CARS2: variants seen among roughly 807,000 people sequenced by gnomAD.
The protein encoded by CARS2 is probable cysteine--tRNA ligase, mitochondrial.
CARS2 carries 52 observed loss-of-function variants against 68.8 expected under a neutral mutation model. The observed-to-expected ratio is 0.76, with a 90% CI of 0.61 to 0.95. CARS2 has a LOEUF of 0.95. CARS2 is among the 40% of genes least tolerant of loss of function. The pLI is 0.00. For synonymous variants in CARS2, 314 were observed against 303.6 expected, an observed-to-expected ratio of 1.03 and a Z score of -0.36; for missense variants, 780 against 754.2, an observed-to-expected ratio of 1.03 and a Z score of -0.40.
intron 6 of CARS2, among the ~76,000 whole-genome samples, chr13:110,678,352 C>T (rs1262576105): frequency 1.3e-5 from 2 of 152,128 alleles, no homozygotes; most frequent in Non-Finnish European, 2.9e-5. Context: ...CTGCCAGTGG[C>T]GCATGCTCAC....
rs61970549 is a variant in CARS2, at chr13:110,670,976, C to T, written c.786-3503G>A. On this transcript the variant is annotated intron_variant, in intron 7 of 14. Transcript: ENST00000257347. The surrounding 1 kb of genome is among the most constrained non-coding windows in gnomAD (Gnocchi z 4.1). ...AGAAAGGGTATCAGTGATTGAAGAT[C>T]AAATGAATGAAATGAAGCAGGAAGA... Among the ~76,000 whole-genome samples, 13,993 of 151,874 alleles carry T rather than the reference C, an allele frequency of 0.092. 834 individuals are homozygous for T. Among genetic ancestry groups the T allele is most frequent in the Middle Eastern group, 0.14 (42 of 294 alleles).
chr13:110,679,445 G>A (rs998122824), intron 6 of CARS2, among the ~76,000 whole-genome samples: 7 of 151,550 alleles, frequency 4.6e-5, no homozygotes, highest in East Asian at 3.9e-4. Context: ...CAGGAGAATC[G>A]CTTGAGCTCG....
At chr13:110,694,704 T>G (rs566539610) in intron 3 of CARS2, among the ~76,000 whole-genome samples, 2 of 152,268 alleles carry the variant, frequency 1.3e-5, no homozygotes, top group Non-Finnish European at 2.9e-5. Flanking sequence ...TACCCCAGAT[T>G]TGTTTAAAAC....
chr13:110,653,100 A>G lies in CARS2; in HGVS notation c.988-2000T>C, dbSNP rs1334341456. ...TATCATCAACGGCCTTTGGGATCCT[A>G]TGTATTTTATTTTACGTATTTAAAG... On this transcript the variant is annotated intron_variant, in intron 9 of 14. Transcript: ENST00000257347. This position sits in a 1 kb window ranked among gnomAD's most constrained non-coding sequence, Gnocchi z 5.6. Among the ~76,000 whole-genome samples the G allele has an allele frequency of 5.4e-5, 8 of 147,570 alleles. No individual in the cohort carries two copies. The highest frequency in any genetic ancestry group is 1.5e-4 in the African/African-American group (6 of 39,658).
chr13:110,703,196 G>A (rs1235092763), intron 2 of CARS2, among the ~76,000 whole-genome samples: 3 of 152,220 alleles, frequency 2.0e-5, no homozygotes, highest in African/African-American at 4.8e-5. Context: ...CCAGTGAACT[G>A]AGTGCTACCC....
chr13:110,655,443 C>T (rs1052430387), intron 9 of CARS2, among the ~76,000 whole-genome samples: 2 of 152,182 alleles, frequency 1.3e-5, no homozygotes, highest in Non-Finnish European at 2.9e-5. Context: ...CACAGCCATT[C>T]GAGAGAATGA....
chr13:110,666,744 C>G (rs1305445462), intron 8 of CARS2: 1 of 985,342 alleles, frequency 1.0e-6, no homozygotes, highest in African/African-American at 1.7e-5. Context: ...CTACCAAACA[C>G]TCTTTATCTT....
intron 6 of CARS2, among the ~76,000 whole-genome samples, chr13:110,679,589 A>AAGAGAG (rs1280508774): frequency 3.6e-5 from 3 of 83,884 alleles, no homozygotes; most frequent in African/African-American, 1.4e-4. Context: ...GAAAGAAAGA[A>AAGAGAG]AGAAAGAAAG....
chr13:110,653,997 CA>C lies in CARS2; in HGVS notation c.988-2898del, dbSNP rs1418689612. Among the ~76,000 whole-genome samples, 1 of 152,204 alleles carries C rather than the reference CA, an allele frequency of 6.6e-6. No homozygotes were observed. Among genetic ancestry groups the C allele is most frequent in the East Asian group, 1.9e-4 (1 of 5,190 alleles). On this transcript the variant is annotated intron_variant, in intron 9 of 14. Transcript: ENST00000257347. The surrounding 1 kb of genome is among the most constrained non-coding windows in gnomAD (Gnocchi z 5.6). The stretch of plus-strand genomic sequence containing the variant: ...AGTGTAAGCTCGTGCTGGAACTCTC[CA>C]GGAGGTAAGCAATCTCCCAGAGCCC...
At chr13:110,703,731 T>G (rs537223466) in intron 2 of CARS2, among the ~76,000 whole-genome samples, 1 of 152,304 alleles carries the variant, frequency 6.6e-6, no homozygotes, top group East Asian at 1.9e-4. Flanking sequence ...ACCTCTGAAA[T>G]GTAATCAAGG....
chr13:110,711,620 T>C (rs1224582961), intron 1 of CARS2, among the ~76,000 whole-genome samples: 1 of 152,248 alleles, frequency 6.6e-6, no homozygotes, highest in Non-Finnish European at 1.5e-5. Flanking sequence ...GCGTGATCTG[T>C]AAGTAAAATA....
rs979749379 is a variant in CARS2, at chr13:110,641,424, C to G, written c.*113G>C. The G allele has an allele frequency of 2.4e-6, 2 of 849,192 alleles. No individual in the cohort carries two copies. Among genetic ancestry groups the G allele is most frequent in the Non-Finnish European group, 4.0e-6 (2 of 494,966 alleles). 52.6% of individuals were successfully genotyped at this position (849,192 alleles called of 1,614,324 possible). A position where few individuals can be genotyped will look rare whatever the true frequency, so the allele number is the denominator to read the frequency against. On this transcript the variant is annotated 3_prime_UTR_variant, in exon 15 of 15. Coordinates refer to ENST00000257347, the MANE Select transcript of CARS2 (RefSeq NM_024537.4). ...GACGCCAGTGGGACACTGTTGGTTG[C>G]CTTACTTTAATGCTGACCTAGCAGC...
intron 6 of CARS2, among the ~76,000 whole-genome samples, chr13:110,679,599 G>GAAAGAAAGAAAGAAAGAAAGAAAGAA (rs1212774128): frequency 3.2e-4 from 13 of 40,074 alleles, no homozygotes; most frequent in Non-Finnish European, 7.3e-4. Flanking sequence ...AAGAAAGAAA[G>GAAAGAAAGAAAGAAAGAAAGAAAGAA]AGAGAGAGAG....
At position 110,642,538 on chromosome 13, in the gene CARS2, G is replaced by A. The variant is rs113709957; in HGVS notation, c.1417-17C>T. The A allele has an allele frequency of 9.7e-4, 1,559 of 1,607,676 alleles. 14 individuals carry two copies. The African/African-American group carries it at 0.017, about 18-fold the overall frequency. ...TGAAACGTACTGAAGCCAGCAGGGC[G>A]CGGTTACGTCCCCCGGAGACTGTGG... On this transcript the variant is annotated splice_polypyrimidine_tract_variant and intron_variant, in intron 13 of 14. Transcript: ENST00000257347.
At chr13:110,704,373 C>T (rs2063878155) in intron 2 of CARS2, among the ~76,000 whole-genome samples, 1 of 152,130 alleles carries the variant, frequency 6.6e-6, no homozygotes, top group Non-Finnish European at 1.5e-5. Flanking sequence ...TCGAAATATG[C>T]TTTTGATAAT....
At chr13:110,688,609 A>G (rs1189957431) in intron 3 of CARS2, among the ~76,000 whole-genome samples, 3 of 152,152 alleles carry the variant, frequency 2.0e-5, no homozygotes, top group South Asian at 2.1e-4. Context: ...AAAATAGTCA[A>G]AAATATACTA....
At position 110,663,431 on chromosome 13, in the gene CARS2, C is replaced by G. The variant is rs747353959; in HGVS notation, c.987+20G>C. 12 of 1,608,080 alleles carry G rather than the reference C, an allele frequency of 7.5e-6. No individual in the cohort carries two copies. The highest frequency in any genetic ancestry group is 1.0e-5 in the Non-Finnish European group (12 of 1,177,454). ...ACAAGCTATCGGCACCTCAGAGATA[C>G]AATACAAAAAGCACGTTACCTTAAT... On this transcript the variant is annotated intron_variant, in intron 9 of 14. Transcript: ENST00000257347.
intron 3 of CARS2, among the ~76,000 whole-genome samples, chr13:110,692,121 C>CAT (rs1353275203): frequency 1.4e-5 from 2 of 138,924 alleles, no homozygotes; most frequent in South Asian, 4.2e-4. Context: ...TATACACACA[C>CAT]ATATATATAC....
chr13:110,693,276 T>C (rs758423440), intron 3 of CARS2, among the ~76,000 whole-genome samples: 2 of 152,142 alleles, frequency 1.3e-5, no homozygotes, highest in Non-Finnish European at 2.9e-5. Flanking sequence ...GGCCCAGTCC[T>C]GGAGGACATG....
Sources: gnomAD v4.1 joint callset for allele counts (sites outside exome capture counted in the v4.1 genomes callset) on GRCh38, gnomAD v4.1.1 for gene constraint, Gnocchi (gnomAD v3.1) non-coding constraint, MANE v1.5 for transcripts, NCBI Gene and HGNC (gene_info 2026-07-23, HGNC 2026-07-21) for gene names.